The following MAGI1 variants were observed in gnomAD, a reference collection of about 807,000 sequenced individuals.
The protein encoded by MAGI1 is membrane-associated guanylate kinase, WW and PDZ domain-containing protein 1.
Under a neutral mutation model 139.9 loss-of-function variants are expected in MAGI1, and 58 were observed. That is an observed-to-expected ratio of 0.41 (90% CI 0.34 to 0.52). The LOEUF is 0.52. Among genes scored for constraint, MAGI1 ranks in the 20% least tolerant of loss-of-function variants. The pLI is 0.12. For synonymous variants in MAGI1, 812 were observed against 737.9 expected, an observed-to-expected ratio of 1.10 and a Z score of -1.63; for missense variants, 1,874 against 1,901.6, an observed-to-expected ratio of 0.99 and a Z score of 0.27.
intron 1 of MAGI1, among the ~76,000 whole-genome samples, chr3:65,719,017 CA>C (rs57290579): frequency 0.26 from 24,616 of 96,260 alleles, 1,743 homozygotes; most frequent in East Asian, 0.34. Context: ...ATAACCCTAC[CA>C]AAAAAAAAAA....
chr3:65,687,530 C>T (rs989346902), intron 1 of MAGI1: 7 of 370,048 alleles, frequency 1.9e-5, no homozygotes, highest in African/African-American at 1.3e-4. Context: ...TTACTTTTCC[C>T]TGGTGACAAA....
Position 65,356,578 on chromosome 3 carries a change from T to G in MAGI1, c.4189A>C (p.Lys1397Gln), listed in dbSNP as rs1295553016. ...CGTGCGCGCCTCCGGTCGGTGGACT[T>G]GGCCCTGCGCTCGGGCGAGCCCCCT... ...RRGGSPERRA[K>Q]STDRRRARSP... The change falls in exon 23 of 23, where the codon AAG becomes CAG. Residue 1397 changes from lysine (K) to glutamine (Q), a missense_variant. By Grantham distance (53) the Lys-to-Gln change is moderately conservative. Around this residue, in one of 5 missense-constraint regions of MAGI1, gnomAD observed 653 missense variants for 644.5 expected, o/e 1.01. Transcript: ENST00000402939. 1 of 1,606,426 alleles carries G rather than the reference T, an allele frequency of 6.2e-7. No individual in the cohort carries two copies. The highest frequency in any genetic ancestry group is 1.7e-5 in the Admixed American group (1 of 59,030).
At chr3:65,531,781 T>A (rs1265708901) in intron 2 of MAGI1, among the ~76,000 whole-genome samples, 1 of 152,196 alleles carries the variant, frequency 6.6e-6, no homozygotes, top group Non-Finnish European at 1.5e-5. Context: ...CTTTCCAATA[T>A]TTCAGTTTCC....
intron 1 of MAGI1, among the ~76,000 whole-genome samples, chr3:65,796,050 C>CAAAAAAA (rs35663778): frequency 5.8e-5 from 6 of 103,020 alleles, no homozygotes; most frequent in East Asian, 2.6e-4. Flanking sequence ...GACTCTGTCT[C>CAAAAAAA]AAAAAAAAAA....
At chr3:65,854,904 C>T (rs979425294) in intron 1 of MAGI1, among the ~76,000 whole-genome samples, 7 of 152,238 alleles carry the variant, frequency 4.6e-5, no homozygotes, top group Non-Finnish European at 8.8e-5. Flanking sequence ...ACCTTGGAAA[C>T]GTAAACAGCA....
At chr3:66,002,665 C>T (rs1451598617) in intron 1 of MAGI1, among the ~76,000 whole-genome samples, 2 of 152,096 alleles carry the variant, frequency 1.3e-5, no homozygotes, top group East Asian at 1.9e-4. Flanking sequence ...CAGGCACCCG[C>T]CACCACACGC....
chr3:65,880,968 G>T (rs958071281), intron 1 of MAGI1, among the ~76,000 whole-genome samples: 1 of 140,548 alleles, frequency 7.1e-6, no homozygotes. Context: ...ACCCAGGCTG[G>T]AGTGCAGTGG....
chr3:65,834,699 G>A (rs974010120), intron 1 of MAGI1, among the ~76,000 whole-genome samples: 1 of 152,178 alleles, frequency 6.6e-6, no homozygotes, highest in South Asian at 2.1e-4. Flanking sequence ...TATAATTGTG[G>A]ATGTATCTAT....
intron 1 of MAGI1, among the ~76,000 whole-genome samples, chr3:65,978,502 A>G (rs1220228004): frequency 6.6e-6 from 1 of 151,944 alleles, no homozygotes; most frequent in Non-Finnish European, 1.5e-5. Context: ...TTTCTCTCCT[A>G]TCATACCCCA....
At position 65,530,794 on chromosome 3, in the gene MAGI1, TATATATATATACACAC is replaced by T. The variant is rs1289848472; in HGVS notation, c.431-37179_431-37164del. ...ATATACACACATATATATACACGTA[TATATATATATACACAC>T]ATATATATACACGTATATATATATA... On this transcript the variant is annotated intron_variant, in intron 2 of 22. Coordinates refer to ENST00000402939, the MANE Select transcript of MAGI1 (RefSeq NM_001033057.2). 1.2e-3 allele frequency among the ~76,000 whole-genome samples: 57 copies of T among 47,384 alleles called. 3 individuals are homozygous for T. Among genetic ancestry groups the T allele is most frequent in the African/African-American group, 6.2e-3 (52 of 8,448 alleles). 31.1% of individuals were successfully genotyped at this position (47,384 alleles called of 152,430 possible).
rs759014969 is a variant in MAGI1 at position 65,439,913 on chromosome 3, C to CTGT, written c.1233_1235dup (p.Gln421dup). 6.3e-7 allele frequency: 1 copy of CTGT among 1,586,486 alleles called. No homozygotes were observed. The highest frequency in any genetic ancestry group is 2.2e-5 in the East Asian group (1 of 44,590). Reference sequence around the variant, plus strand: ...GCTGCTGCTGCTGCTGCTGCTGCTGCTGTTGCTGCTGCTGTTGCTGCTGCT... The same window carrying CTGT: ...GCTGCTGCTGCTGCTGCTGCTGCTGCTGTTGTTGCTGCTGCTGTTGCTGCTGCT... On this transcript the variant is annotated inframe_insertion, in exon 9 of 23. Transcript: ENST00000402939.
intron 10 of MAGI1, 40 bp downstream of exon 10, chr3:65,437,115 A>G (rs1292483261): frequency 2.1e-6 from 3 of 1,396,630 alleles, no homozygotes; most frequent in Non-Finnish European, 3.0e-6. Context: ...TTAGATTTTG[A>G]GCTAAAACCA....
intron 2 of MAGI1, among the ~76,000 whole-genome samples, chr3:65,524,917 C>CA (rs2078317679): frequency 6.6e-6 from 1 of 152,122 alleles, no homozygotes; most frequent in South Asian, 2.1e-4. Context: ...TAATGATCTG[C>CA]AAATGGTACC....
At chr3:65,426,860 A>G (rs1947081021) in intron 12 of MAGI1, among the ~76,000 whole-genome samples, 1 of 152,240 alleles carries the variant, frequency 6.6e-6, no homozygotes, top group Admixed American at 6.5e-5. Flanking sequence ...TGCTGATGTC[A>G]CAGTGATTTT....
At chr3:65,622,889 G>A (rs2083761436) in intron 1 of MAGI1, among the ~76,000 whole-genome samples, 1 of 151,552 alleles carries the variant, frequency 6.6e-6, no homozygotes, top group African/African-American at 2.4e-5. Context: ...TTTTTATGAC[G>A]GTAAATAAAT....
intron 14 of MAGI1, among the ~76,000 whole-genome samples, chr3:65,390,742 T>G (rs1943858430): frequency 6.6e-6 from 1 of 152,214 alleles, no homozygotes; most frequent in Non-Finnish European, 1.5e-5. Flanking sequence ...TAAAAAGCAT[T>G]TAATTTCTTC....
intron 2 of MAGI1, among the ~76,000 whole-genome samples, chr3:65,510,587 G>C (rs1245839676): frequency 1.4e-5 from 2 of 141,440 alleles, no homozygotes; most frequent in Admixed American, 7.2e-5. Context: ...AATGAAGCGA[G>C]AAGGGAAGTT....
chr3:65,621,387 G>C (rs1359123231), intron 2 of MAGI1, among the ~76,000 whole-genome samples: 1 of 152,132 alleles, frequency 6.6e-6, no homozygotes, highest in Non-Finnish European at 1.5e-5. Context: ...TTCAGATTTG[G>C]TGTAATCTAA....
At chr3:65,747,920 T>C (rs11719185) in intron 1 of MAGI1, among the ~76,000 whole-genome samples, 40,977 of 152,124 alleles carry the variant, frequency 0.27, 6,647 homozygotes, top group East Asian at 0.43. Context: ...GCAGGGGTGG[T>C]GGGCAGAGAA....
Sources: gnomAD v4.1 joint callset for allele counts (sites outside exome capture counted in the v4.1 genomes callset) on GRCh38, gnomAD v4.1.1 for gene constraint, gnomAD v4.1.1 regional missense constraint, MANE v1.5 for transcripts, NCBI Gene and HGNC (gene_info 2026-07-23, HGNC 2026-07-21) for gene names.